The following ABLIM2 variants were observed in gnomAD, a reference collection of about 807,000 sequenced individuals.
The protein encoded by ABLIM2 is actin-binding LIM protein 2.
Under a neutral mutation model 97.7 loss-of-function variants are expected in ABLIM2, and 53 were observed. That is an observed-to-expected ratio of 0.54 (90% CI 0.44 to 0.68). The LOEUF is 0.68. ABLIM2 is among the 30% of genes least tolerant of loss of function. The pLI, the probability that ABLIM2 is intolerant of heterozygous loss-of-function variation, is 0.00. For missense variants in ABLIM2, 835 were observed against 867.2 expected (o/e 0.96, Z 0.47); for synonymous variants, 361 against 345.8 (o/e 1.04, Z -0.49).
At chr4:7,989,131 T>C (rs138745972) in intron 17 of ABLIM2, among the ~76,000 whole-genome samples, 1 of 139,020 alleles carries the variant, frequency 7.2e-6, no homozygotes, top group East Asian at 2.2e-4. Flanking sequence ...CAGGCTGGAG[T>C]GCAGTGGAAC....
rs1183829886 is a variant in ABLIM2, at chr4:8,033,839, C to T, written c.1047+2310G>A. 6.6e-6 allele frequency among the ~76,000 whole-genome samples: 1 copy of T among 152,340 alleles called. No individual in the cohort carries two copies. The highest frequency in any genetic ancestry group is 6.5e-5 in the Admixed American group (1 of 15,314). On this transcript the variant is annotated intron_variant, in intron 10 of 20. Transcript: ENST00000447017. This position sits in a 1 kb window ranked among gnomAD's most constrained non-coding sequence, Gnocchi z 4.5. Reference sequence around the variant, plus strand: ...TCCACTTGGGCCTGGAAGCTGTGTCCTGGTCATACCATGAGACCCTGGAGC... The same window carrying T: ...TCCACTTGGGCCTGGAAGCTGTGTCTTGGTCATACCATGAGACCCTGGAGC...
intron 5 of ABLIM2, among the ~76,000 whole-genome samples, chr4:8,078,094 A>G (rs1193472354): frequency 6.6e-6 from 1 of 152,184 alleles, no homozygotes; most frequent in Non-Finnish European, 1.5e-5. Context: ...GAAAACTGTG[A>G]GCCAAAGAGG....
rs556832945 is a variant in ABLIM2 at position 8,015,678 on chromosome 4, C to T, written c.1423+3940G>A. Among the ~76,000 whole-genome samples, 10 of 152,230 alleles carry T rather than the reference C, an allele frequency of 6.6e-5. No homozygotes were observed. The East Asian group carries it at 1.4e-3, about 21-fold the overall frequency. On this transcript the variant is annotated intron_variant, in intron 14 of 20. Transcript: ENST00000447017. This position sits in a 1 kb window ranked among gnomAD's most constrained non-coding sequence, Gnocchi z 4.6. ...GGCAGGAGTGACAGCCCCCACCTGC[C>T]GGACAAGTGGTGGGAGGTGTGTGTT...
rs572197072 is a variant in ABLIM2 at position 8,075,616 on chromosome 4, C to T, written c.675+2012G>A. Reference sequence around the variant, plus strand: ...GCTGAGGTGGAAGGATCACTTAAGCCTGGGAAGTGAGGCTGCAGTGAGCTG... The same window carrying T: ...GCTGAGGTGGAAGGATCACTTAAGCTTGGGAAGTGAGGCTGCAGTGAGCTG... On this transcript the variant is annotated intron_variant, in intron 6 of 20. Transcript: ENST00000447017. This position sits in a 1 kb window ranked among gnomAD's most constrained non-coding sequence, Gnocchi z 4.4. 2.6e-5 allele frequency among the ~76,000 whole-genome samples: 4 copies of T among 152,198 alleles called. No individual in the cohort carries two copies. The highest frequency in any genetic ancestry group is 1.9e-4 in the East Asian group (1 of 5,166).
intron 4 of ABLIM2, among the ~76,000 whole-genome samples, chr4:8,086,111 T>C (rs1325582926): frequency 1.3e-5 from 2 of 152,090 alleles, no homozygotes; most frequent in Non-Finnish European, 2.9e-5. Flanking sequence ...GGCACAGAAA[T>C]GGTTCTAAGC....
Position 8,032,746 on chromosome 4 carries a change from C to T in ABLIM2, c.1048-2970G>A. On this transcript the variant is annotated intron_variant, in intron 10 of 20. Coordinates refer to ENST00000447017, the MANE Select transcript of ABLIM2 (RefSeq NM_001130083.2). The surrounding 1 kb of genome is among the most constrained non-coding windows in gnomAD (Gnocchi z 4.3). ...CAGGCAGAGAGGGAGGAGGGCAGTT[C>T]CGTGACTGGCAGGCAACACAGGCGC... The T allele has an allele frequency of 6.3e-7, 1 of 1,575,032 alleles. No homozygotes were observed. The highest frequency in any genetic ancestry group is 2.2e-5 in the East Asian group (1 of 44,656).
Position 7,992,868 on chromosome 4 carries a change from G to A in ABLIM2, c.1678C>T (p.Arg560Trp), listed in dbSNP as rs556466250. ...PGHGKNGLDQ[R>W]NANLAPCGAD... ...GCCAGGGAGGGGTCAGTACCTACCC[G>A]CTGGTCCAAGCCATTCTTTCCATGT... Residue 560 changes from arginine to tryptophan, a missense_variant and splice_region_variant, in exon 17 of 21, where the codon CGG (arginine) becomes TGG (tryptophan). Transcript: ENST00000447017. This position sits in a 1 kb window ranked among gnomAD's most constrained non-coding sequence, Gnocchi z 5.7. 19 of 1,612,390 alleles carry A rather than the reference G, an allele frequency of 1.2e-5. No homozygotes were observed. The South Asian group carries it at 1.2e-4, about 10-fold the overall frequency.
intron 10 of ABLIM2, 110 bp from the exon 11 acceptor site, chr4:8,029,886 G>A: frequency 7.2e-7 from 1 of 1,381,956 alleles, no homozygotes; most frequent in Non-Finnish European, 9.7e-7. Context: ...CCAAGTGGAT[G>A]ACTCAACATG....
chr4:8,028,987 T>C (rs1779154933), intron 11 of ABLIM2, among the ~76,000 whole-genome samples: 1 of 152,168 alleles, frequency 6.6e-6, no homozygotes, highest in Non-Finnish European at 1.5e-5. Context: ...AAAGGCAGTG[T>C]CCGTGTGGAG....
intron 16 of ABLIM2, 142 bp downstream of exon 16, chr4:8,007,917 G>A (rs1299727193): frequency 1.4e-5 from 20 of 1,467,896 alleles, no homozygotes; most frequent in South Asian, 3.1e-5. Context: ...CCTTCCGGTC[G>A]GTCCTTAGAT....
chr4:8,088,123 C>G (rs1231602321), intron 4 of ABLIM2, 46 bp downstream of exon 4: 3 of 869,788 alleles, frequency 3.4e-6, no homozygotes, highest in African/African-American at 3.8e-5. Context: ...GCACCCCCCA[C>G]TCAGCATGCC....
chr4:8,138,970 G>T (rs969817498), intron 1 of ABLIM2, among the ~76,000 whole-genome samples: 3 of 152,224 alleles, frequency 2.0e-5, no homozygotes, highest in African/African-American at 7.2e-5. Flanking sequence ...GCCTAGGTGG[G>T]TGGATCACCT....
Position 8,084,277 on chromosome 4 carries a change from G to A in ABLIM2, c.455-3475C>T, listed in dbSNP as rs148377306. Among the ~76,000 whole-genome samples, 459 of 152,290 alleles carry A rather than the reference G, an allele frequency of 3.0e-3. 6 individuals are homozygous for A. Among genetic ancestry groups the A allele is most frequent in the African/African-American group, 0.011 (444 of 41,568 alleles). On this transcript the variant is annotated intron_variant, in intron 4 of 20. Coordinates refer to ENST00000447017, the MANE Select transcript of ABLIM2 (RefSeq NM_001130083.2). The stretch of plus-strand genomic sequence containing the variant: ...GACAGGCCTGCCATGGGCCCAGAGC[G>A]GGACGGGGGCTCCTGCGAGGATCCT...
chr4:8,012,013 C>T (rs1765215426), intron 14 of ABLIM2, among the ~76,000 whole-genome samples: 1 of 152,124 alleles, frequency 6.6e-6, no homozygotes, highest in South Asian at 2.1e-4. Context: ...CCTACTTATC[C>T]ATGCACCCAC....
chr4:8,143,842 G>C (rs969612711), intron 1 of ABLIM2, among the ~76,000 whole-genome samples: 1 of 152,192 alleles, frequency 6.6e-6, no homozygotes, highest in Non-Finnish European at 1.5e-5. Context: ...TAGAGGACAC[G>C]GCTGCCTGTC....
At position 8,020,269 on chromosome 4, in the gene ABLIM2, G is replaced by A. The variant is rs757594472; in HGVS notation, c.1302C>T (p.Ser434=). Residue 434 remains serine, a synonymous_variant, in exon 13 of 21, where the codon TCC becomes TCT. Transcript: ENST00000447017. ...GGGGCGGCTTGCTGTCAGAGAGCAC[G>A]GAGAGGCTGGGGGTGCTCCGGCCAC... The part of the protein sequence containing the change: ...SESGRSTPSL[S]VLSDSKPPPS... The A allele has an allele frequency of 8.7e-6, 14 of 1,613,764 alleles. No homozygotes were observed. The African/African-American group carries it at 1.1e-4, about 12-fold the overall frequency.
At chr4:8,146,210 T>C (rs1340099190) in intron 1 of ABLIM2, among the ~76,000 whole-genome samples, 1 of 152,244 alleles carries the variant, frequency 6.6e-6, no homozygotes, top group Non-Finnish European at 1.5e-5. Flanking sequence ...TGTCAAAGTA[T>C]GGTCTAGGGC....
In ABLIM2 at chr4:8,130,882, G is replaced by A. The variant is rs186488900; in HGVS notation, c.11-24245C>T. Among the ~76,000 whole-genome samples, 501 of 152,210 alleles carry A rather than the reference G, an allele frequency of 3.3e-3. 2 individuals carry two copies. Among genetic ancestry groups the A allele is most frequent in the African/African-American group, 0.011 (475 of 41,510 alleles). On this transcript the variant is annotated intron_variant, in intron 1 of 20. Transcript: ENST00000447017. This position sits in a 1 kb window ranked among gnomAD's most constrained non-coding sequence, Gnocchi z 4.2. ...CCTTGCCTTGCCTGGCTGCTGGGGC[G>A]GCCTGCATTTCCTGACTTGTGGACG...
At chr4:8,030,621 C>T (rs1327165131) in intron 10 of ABLIM2, among the ~76,000 whole-genome samples, 1 of 152,228 alleles carries the variant, frequency 6.6e-6, no homozygotes, top group African/African-American at 2.4e-5. Context: ...AGCCCTCATG[C>T]TAGGTTCCTA....
Sources: allele counts gnomAD v4.1 joint callset (sites outside exome capture counted in the v4.1 genomes callset), GRCh38; gene constraint gnomAD v4.1.1; non-coding constraint Gnocchi (gnomAD v3.1); transcripts MANE v1.5; gene names NCBI Gene and HGNC (gene_info 2026-07-23, HGNC 2026-07-21).